ELFN1: variants seen among roughly 807,000 people sequenced by gnomAD.
The protein encoded by ELFN1 is protein ELFN1.
A neutral mutation model predicts 7.6 loss-of-function variants in ELFN1; 6 were observed. That is an observed-to-expected ratio of 0.79 (90% CI 0.43 to 1.56). The LOEUF (loss-of-function observed/expected upper bound fraction) is 1.56. Among genes scored for constraint, ELFN1 ranks in the 40% most tolerant of loss-of-function variants. The pLI, the probability that ELFN1 is intolerant of heterozygous loss-of-function variation, is 0.01. For missense variants in ELFN1, 1,169 were observed against 1,232.2 expected, an observed-to-expected ratio of 0.95 and a Z score of 0.77; for synonymous variants, 657 against 588.1, an observed-to-expected ratio of 1.12 and a Z score of -1.70.
intron 3 of ELFN1, among the ~76,000 whole-genome samples, chr7:1,711,682 CGT>C (rs914679699): frequency 6.6e-6 from 1 of 150,892 alleles, no homozygotes; most frequent in Non-Finnish European, 1.5e-5. Context: ...TTCAGTTCTT[CGT>C]GTATTCATCC....
At chr7:1,679,173 ACG>A (rs147990589) in intron 1 of ELFN1, among the ~76,000 whole-genome samples, 1,830 of 144,770 alleles carry the variant, frequency 0.013, 22 homozygotes, top group African/African-American at 0.035. Flanking sequence ...GCACACACGT[ACG>A]CGCGCACACA....
chr7:1,743,404 G>C (rs1464927496), intron 3 of ELFN1, among the ~76,000 whole-genome samples: 1 of 152,212 alleles, frequency 6.6e-6, no homozygotes, highest in African/African-American at 2.4e-5. Context: ...AGGATGTGTG[G>C]AGCCTGGAAA....
chr7:1,677,065 G>A (rs549324285), intron 1 of ELFN1, among the ~76,000 whole-genome samples: 11 of 152,224 alleles, frequency 7.2e-5, no homozygotes, highest in Non-Finnish European at 1.0e-4. Flanking sequence ...TGTAACTTCT[G>A]TTTTGACAGT....
intron 3 of ELFN1, among the ~76,000 whole-genome samples, chr7:1,742,444 G>A (rs1384724616): frequency 6.6e-6 from 1 of 152,248 alleles, no homozygotes; most frequent in African/African-American, 2.4e-5. Flanking sequence ...CATTGGCACA[G>A]GTTGTCTGGG....
chr7:1,738,945 CTT>C (rs1353453918), intron 3 of ELFN1: 1 of 151,886 alleles, frequency 6.6e-6, no homozygotes, highest in African/African-American at 2.4e-5. Flanking sequence ...AGGGAGGGCT[CTT>C]GGGGCAACGC....
At chr7:1,667,965 T>TGGGG (rs201869702), upstream of ELFN1, among the ~76,000 whole-genome samples, 2 of 44,814 alleles carry the variant, frequency 4.5e-5, no homozygotes, top group African/African-American at 1.6e-4. The surrounding 1 kb of genome is among the most constrained non-coding windows in gnomAD (Gnocchi z 8.2). Context: ...CCGCTCGGGG[T>TGGGG]GGGGGGGGGG....
At chr7:1,686,529 A>G (rs1456804104) in intron 1 of ELFN1, among the ~76,000 whole-genome samples, 1 of 151,584 alleles carries the variant, frequency 6.6e-6, no homozygotes, top group Admixed American at 6.6e-5. Context: ...CTCCTAGATT[A>G]CCTCTGTGTT....
Position 1,747,187 on chromosome 7 carries a change from C to G in ELFN1, c.*104C>G. On this transcript the variant is annotated 3_prime_UTR_variant, in exon 4 of 4. Transcript: ENST00000424383. ...ACGCACGCCACCACAGCAACTGTGACAGCGGGGGGCCCTGCAGAGGCGAGG... is the reference window on the plus strand; with the variant it reads ...ACGCACGCCACCACAGCAACTGTGAGAGCGGGGGGCCCTGCAGAGGCGAGG... The G allele has an allele frequency of 2.3e-6, 3 of 1,288,384 alleles. No individual in the cohort carries two copies. The highest frequency in any genetic ancestry group is 1.8e-5 in the South Asian group (1 of 56,590). The allele number at this position is 1,288,384 out of a possible 1,614,324, so 79.8% of individuals were successfully genotyped here. A position where few individuals can be genotyped will look rare whatever the true frequency, so the allele number is the denominator to read the frequency against.
chr7:1,717,863 C>T (rs1381681916), intron 3 of ELFN1, among the ~76,000 whole-genome samples: 2 of 152,172 alleles, frequency 1.3e-5, no homozygotes, highest in South Asian at 2.1e-4. Flanking sequence ...CTCCTCCCTT[C>T]CCCCTATGCG....
intron 2 of ELFN1, among the ~76,000 whole-genome samples, 187 bp from the exon 3 acceptor site, chr7:1,708,904 A>G (rs940154728): frequency 6.6e-6 from 1 of 152,100 alleles, no homozygotes; most frequent in Non-Finnish European, 1.5e-5. Context: ...TCTGTGTGTC[A>G]GCCTGCTCTG....
At chr7:1,668,468 G>T (rs1195028971), upstream of ELFN1, among the ~76,000 whole-genome samples, 1 of 152,262 alleles carries the variant, frequency 6.6e-6, no homozygotes, top group African/African-American at 2.4e-5. Flanking sequence ...TGGGGTTTAT[G>T]TTTGGCAGGC....
rs1039631982 is a variant in ELFN1, at chr7:1,744,585, A to G, written c.-12A>G. The G allele has an allele frequency of 1.5e-4, 228 of 1,495,498 alleles. No individual in the cohort carries two copies. The highest frequency in any genetic ancestry group is 3.5e-4 in the Admixed American group (15 of 42,546). The allele number at this position is 1,495,498 out of a possible 1,614,324, so 92.6% of individuals were successfully genotyped here. ...GGCAGGCTGAATTGGGGCTCCCTGCAGGGCGGTCCCGATGGCCGGGCGTGG... is the reference window on the plus strand; with the variant it reads ...GGCAGGCTGAATTGGGGCTCCCTGCGGGGCGGTCCCGATGGCCGGGCGTGG... On this transcript the variant is annotated 5_prime_UTR_variant, in exon 4 of 4. Coordinates refer to ENST00000424383, the MANE Select transcript of ELFN1 (RefSeq NM_001128636.4).
intron 3 of ELFN1, among the ~76,000 whole-genome samples, chr7:1,709,558 C>T (rs1162847341): frequency 6.6e-6 from 1 of 152,262 alleles, no homozygotes; most frequent in African/African-American, 2.4e-5. Context: ...CATTATCCTT[C>T]CCTGACAAGC....
intron 1 of ELFN1, among the ~76,000 whole-genome samples, chr7:1,684,900 A>G (rs796956948): frequency 7.2e-5 from 11 of 152,296 alleles, no homozygotes; most frequent in African/African-American, 2.4e-4. Flanking sequence ...AAAGTAATAC[A>G]TTTATAGAGC....
rs149505205 is a variant in ELFN1, at chr7:1,735,135, C to T, written c.-293-9169C>T. ...ATCTGTCCAATTGAGGTAACACTAA[C>T]CTTTGCCTCCCTGAACCCTGGGGAG... On this transcript the variant is annotated intron_variant, in intron 3 of 3. Transcript: ENST00000424383. The surrounding 1 kb of genome is among the most constrained non-coding windows in gnomAD (Gnocchi z 5.9). Among the ~76,000 whole-genome samples the T allele has an allele frequency of 1.1e-4, 17 of 152,308 alleles. No individual in the cohort carries two copies. In the East Asian group the frequency reaches 3.1e-3, roughly 28 times the overall value.
intron 2 of ELFN1, among the ~76,000 whole-genome samples, chr7:1,697,736 G>A (rs927633165): frequency 2.6e-5 from 4 of 152,076 alleles, no homozygotes; most frequent in Non-Finnish European, 5.9e-5. Context: ...CTGCCTGCCC[G>A]TGAACACATC....
chr7:1,745,981 T>C lies in ELFN1; in HGVS notation c.1385T>C (p.Leu462Pro). The change falls in exon 4 of 4, where the codon CTC becomes CCC. Residue 462 changes from leucine to proline, a missense_variant. Transcript: ENST00000424383. ...GCCTCGGCAGCCGCAGCTGGCAGCC[T>C]CAAGAAGACCATCATCGAGCTCAAG... ...KAASAAAAGS[L>P]KKTIIELKYG... 1 of 1,544,676 alleles carries C rather than the reference T, an allele frequency of 6.5e-7. No homozygotes were observed. Among genetic ancestry groups the C allele is most frequent in the Non-Finnish European group, 8.7e-7 (1 of 1,143,188 alleles).
intron 1 of ELFN1, among the ~76,000 whole-genome samples, chr7:1,677,037 G>T (rs557609815): frequency 6.6e-6 from 1 of 152,250 alleles, no homozygotes; most frequent in African/African-American, 2.4e-5. Flanking sequence ...GACGCTGGCA[G>T]CGGAGAGACA....
chr7:1,666,816 C>T (rs1778678067), upstream of ELFN1, among the ~76,000 whole-genome samples: 1 of 151,860 alleles, frequency 6.6e-6, no homozygotes, highest in African/African-American at 2.4e-5. This position sits in a 1 kb window ranked among gnomAD's most constrained non-coding sequence, Gnocchi z 7.9. Context: ...GCGCCCCGCC[C>T]CGCGCCGCTT....
Sources: allele counts gnomAD v4.1 joint callset (sites outside exome capture counted in the v4.1 genomes callset), GRCh38; gene constraint gnomAD v4.1.1; non-coding constraint Gnocchi (gnomAD v3.1); transcripts MANE v1.5; gene names NCBI Gene and HGNC (gene_info 2026-07-23, HGNC 2026-07-21).